OSBPL6: variants seen among roughly 807,000 people sequenced by gnomAD.
OSBPL6 encodes oxysterol binding protein like 6, also known as oxysterol-binding protein-related protein 6.
In OSBPL6, 49 loss-of-function variants were observed where a neutral mutation model predicts 125.8. The observed-to-expected ratio is 0.39, with a 90% CI of 0.31 to 0.49. The LOEUF (loss-of-function observed/expected upper bound fraction) is 0.49. OSBPL6 is among the 20% of genes least tolerant of loss of function. OSBPL6 has a pLI of 0.88. For synonymous variants in OSBPL6, 394 were observed against 391.8 expected (o/e 1.01, Z -0.07); for missense variants, 986 against 1,135.4 (o/e 0.87, Z 1.89).
intron 1 of OSBPL6, among the ~76,000 whole-genome samples, chr2:178,219,509 A>G (rs1261848228): frequency 1.3e-5 from 2 of 152,214 alleles, no homozygotes; most frequent in Non-Finnish European, 2.9e-5. Context: ...TTACATGAGA[A>G]TCAATGAGGA....
At chr2:178,336,533 G>A (rs1391098797) in intron 9 of OSBPL6, 100 bp downstream of exon 9, 1 of 1,363,842 alleles carries the variant, frequency 7.3e-7, no homozygotes, top group East Asian at 2.3e-5. Flanking sequence ...TACCCTGATT[G>A]CCTTGATCGT....
intron 2 of OSBPL6, among the ~76,000 whole-genome samples, chr2:178,288,598 G>A (rs1684931516): frequency 6.6e-6 from 1 of 151,378 alleles, no homozygotes; most frequent in Admixed American, 6.6e-5. Flanking sequence ...GGAGTATACT[G>A]TTCATATCAA....
At chr2:178,283,881 T>A (rs1684453263) in intron 1 of OSBPL6, among the ~76,000 whole-genome samples, 1 of 152,118 alleles carries the variant, frequency 6.6e-6, no homozygotes, top group African/African-American at 2.4e-5. Flanking sequence ...TCTTGTGGGA[T>A]ATAAAAGTGA....
At chr2:178,266,653 G>T (rs752104239) in intron 1 of OSBPL6, among the ~76,000 whole-genome samples, 1 of 152,184 alleles carries the variant, frequency 6.6e-6, no homozygotes, top group Non-Finnish European at 1.5e-5. Context: ...AGACCTCAGA[G>T]CACCGCCCCT....
At position 178,344,457 on chromosome 2, in the gene OSBPL6, G is replaced by A. The variant is rs750391579; in HGVS notation, c.987+4693G>A. 94 of 1,171,174 alleles carry A rather than the reference G, an allele frequency of 8.0e-5. No individual in the cohort carries two copies. In the Middle Eastern group the frequency reaches 2.4e-3, roughly 30 times the overall value. 72.5% of individuals were successfully genotyped at this position (1,171,174 alleles called of 1,614,324 possible). On this transcript the variant is annotated intron_variant, in intron 11 of 24. Coordinates refer to ENST00000190611, the MANE Select transcript of OSBPL6 (RefSeq NM_032523.4). The stretch of plus-strand genomic sequence containing the variant: ...CCTGATGGTGCCACTGGTGTGTGAT[G>A]GCATCACCTGTAGCCCAATCATGGC...
At chr2:178,387,730 C>T (rs1695065237) in intron 20 of OSBPL6, among the ~76,000 whole-genome samples, 1 of 152,158 alleles carries the variant, frequency 6.6e-6, no homozygotes, top group South Asian at 2.1e-4. Flanking sequence ...GTAGGCCAGG[C>T]ACGGTGGCTC....
chr2:178,223,434 A>G (rs1403780545), intron 1 of OSBPL6, among the ~76,000 whole-genome samples: 1 of 152,200 alleles, frequency 6.6e-6, no homozygotes, highest in East Asian at 1.9e-4. Context: ...CCCCCACTGG[A>G]TTCAAATCTT....
At chr2:178,346,205 C>T (rs1690697603) in intron 11 of OSBPL6, among the ~76,000 whole-genome samples, 1 of 152,124 alleles carries the variant, frequency 6.6e-6, no homozygotes, top group African/African-American at 2.4e-5. Context: ...CCCAACAGAA[C>T]AGGAGACTGG....
intron 1 of OSBPL6, among the ~76,000 whole-genome samples, chr2:178,236,711 C>A (rs779753386): frequency 6.6e-6 from 1 of 152,222 alleles, no homozygotes; most frequent in East Asian, 1.9e-4. Flanking sequence ...CTCCCGCCCC[C>A]GCTTGGATGC....
intron 1 of OSBPL6, among the ~76,000 whole-genome samples, chr2:178,204,877 T>C (rs921875728): frequency 1.3e-5 from 2 of 152,192 alleles, no homozygotes; most frequent in South Asian, 4.1e-4. Context: ...CTGATTCCTT[T>C]TTGCTACTAT....
chr2:178,282,501 G>C (rs947454025), intron 1 of OSBPL6, among the ~76,000 whole-genome samples: 1 of 152,180 alleles, frequency 6.6e-6, no homozygotes, highest in Admixed American at 6.5e-5. Flanking sequence ...AGGAACGGGG[G>C]TGAATGAGCA....
In OSBPL6 at chr2:178,401,226, A is replaced by C. The variant is rs1696096102; in HGVS notation, c.*5667A>C. On this transcript the variant is annotated 3_prime_UTR_variant, in exon 25 of 25. Transcript: ENST00000190611. The stretch of plus-strand genomic sequence containing the variant: ...CTGCTCTTGAAATGATATTTTGATG[A>C]TGATGATCAGGGAAGTAGCCTATGC... 1 of 152,226 alleles carries C rather than the reference A, an allele frequency of 6.6e-6. No individual in the cohort carries two copies. The highest frequency in any genetic ancestry group is 2.4e-5 in the African/African-American group (1 of 41,450). The allele number at this position is 152,226 out of a possible 1,614,324, so 9.4% of individuals were successfully genotyped here.
chr2:178,217,619 G>A (rs2090144759), intron 1 of OSBPL6, among the ~76,000 whole-genome samples: 1 of 152,224 alleles, frequency 6.6e-6, no homozygotes, highest in African/African-American at 2.4e-5. Flanking sequence ...TCAGGTTTGA[G>A]GAGGTGGTGT....
At chr2:178,200,204 G>C (rs548626366) in intron 1 of OSBPL6, among the ~76,000 whole-genome samples, 5 of 145,508 alleles carry the variant, frequency 3.4e-5, no homozygotes, top group African/African-American at 1.3e-4. Flanking sequence ...AATCAATAAT[G>C]TATGAGTTAA....
chr2:178,382,644 C>T (rs1383320339), intron 16 of OSBPL6, 137 bp downstream of exon 16: 3 of 1,447,478 alleles, frequency 2.1e-6, no homozygotes, highest in Non-Finnish European at 2.8e-6. Context: ...TTGTTCAATA[C>T]ATTCTATTTT....
intron 1 of OSBPL6, among the ~76,000 whole-genome samples, chr2:178,237,799 G>C (rs897621109): frequency 8.5e-5 from 13 of 152,120 alleles, no homozygotes; most frequent in Non-Finnish European, 1.5e-4. Context: ...TTACTCCTCT[G>C]TGAGGACCAC....
At chr2:178,277,050 G>A (rs2092484456) in intron 1 of OSBPL6, among the ~76,000 whole-genome samples, 1 of 152,118 alleles carries the variant, frequency 6.6e-6, no homozygotes, top group South Asian at 2.1e-4. Flanking sequence ...TTCATCAAGG[G>A]ATTGCACAAA....
At chr2:178,223,015 T>C (rs983367040) in intron 1 of OSBPL6, among the ~76,000 whole-genome samples, 5 of 152,338 alleles carry the variant, frequency 3.3e-5, no homozygotes, top group African/African-American at 1.2e-4. Flanking sequence ...TGCAGAGATT[T>C]GGTGGACACA....
intron 12 of OSBPL6, among the ~76,000 whole-genome samples, chr2:178,357,117 C>T (rs1370534977): frequency 2.0e-5 from 3 of 152,146 alleles, no homozygotes; most frequent in Non-Finnish European, 2.9e-5. Flanking sequence ...AAACGTTAGA[C>T]CTAAAACTGT....
Sources: allele counts gnomAD v4.1 joint callset (sites outside exome capture counted in the v4.1 genomes callset), GRCh38; gene constraint gnomAD v4.1.1; transcripts MANE v1.5; gene names NCBI Gene and HGNC (gene_info 2026-07-23, HGNC 2026-07-21).